Variants in MYOM2 observed in about 807,000 individuals in gnomAD.
MYOM2 encodes myomesin 2.
In MYOM2, 254 loss-of-function variants were observed where a neutral mutation model predicts 187.6. The observed-to-expected ratio is 1.35, with a 90% CI of 1.22 to 1.50. The LOEUF (loss-of-function observed/expected upper bound fraction) is 1.50, where lower values mean the gene tolerates loss of function less well. Among genes scored for constraint, MYOM2 ranks in the 40% most tolerant of loss-of-function variants. The pLI, the probability that MYOM2 is intolerant of heterozygous loss-of-function variation, is 0.00. For synonymous variants in MYOM2, 981 were observed against 753.8 expected (o/e 1.30, Z -4.94); for missense variants, 2,796 against 1,924.0 (o/e 1.45, Z -8.48).
chr8:2,049,646 C>T (rs144107796), intron 1 of MYOM2, among the ~76,000 whole-genome samples: 14 of 152,260 alleles, frequency 9.2e-5, no homozygotes, highest in Non-Finnish European at 2.9e-5. Flanking sequence ...GACAGATCCT[C>T]GTCATTTAAA....
intron 5 of MYOM2, 132 bp downstream of exon 5, chr8:2,057,912 T>A: frequency 1.1e-6 from 1 of 904,284 alleles, no homozygotes. Context: ...AGCAGAAATA[T>A]GTTTATAGAA....
At chr8:2,057,565 C>G in intron 4 of MYOM2, 58 bp from the exon 5 acceptor site, 2 of 1,612,588 alleles carry the variant, frequency 1.2e-6, no homozygotes, top group Non-Finnish European at 1.7e-6. Context: ...CTTGAGGGGC[C>G]GAGGGTGGAG....
chr8:2,144,997 C>T lies in MYOM2; in HGVS notation c.*16C>T. 6.2e-7 allele frequency: 1 copy of T among 1,610,096 alleles called. No individual in the cohort carries two copies. Among genetic ancestry groups the T allele is most frequent in the Non-Finnish European group, 8.5e-7 (1 of 1,178,956 alleles). On this transcript the variant is annotated 3_prime_UTR_variant, in exon 37 of 37. Coordinates refer to ENST00000262113, the MANE Select transcript of MYOM2 (RefSeq NM_003970.4). ...AGGCCAGTGAAGGCGTTTTCCTAGC[C>T]TGGAGATGGGAAAATATGCTTGGCA...
intron 3 of MYOM2, 27 bp downstream of exon 3, chr8:2,052,340 C>G: frequency 6.4e-7 from 1 of 1,574,680 alleles, no homozygotes; most frequent in Non-Finnish European, 8.6e-7. Flanking sequence ...CCTGACTCCA[C>G]TTGTGCCCTG....
chr8:2,130,240 C>G (rs1797813765), intron 32 of MYOM2, among the ~76,000 whole-genome samples: 1 of 141,380 alleles, frequency 7.1e-6, no homozygotes, highest in Admixed American at 7.0e-5. Flanking sequence ...ACCCAGGGCG[C>G]CCACACCCCG....
chr8:2,086,333 C>CCCCACAGTCGTGATCTCTGCGTGGCCT lies in MYOM2; in HGVS notation c.1644+948_1644+949insAGTCGTGATCTCTGCGTGGCCTCCCAC, dbSNP rs1796047427. On this transcript the variant is annotated intron_variant, in intron 14 of 36. Coordinates refer to ENST00000262113, the MANE Select transcript of MYOM2 (RefSeq NM_003970.4). The stretch of plus-strand genomic sequence containing the variant: ...CCACAGTCGTGATCTCTGCGTGGCC[C>CCCCACAGTCGTGATCTCTGCGTGGCCT]CCCACTGTTGTGATCTCTGCGTGGC... Among the ~76,000 whole-genome samples the CCCCACAGTCGTGATCTCTGCGTGGCCT allele has an allele frequency of 3.6e-4, 2 of 5,508 alleles. 1 individual carries two copies. Among genetic ancestry groups the CCCCACAGTCGTGATCTCTGCGTGGCCT allele is most frequent in the Non-Finnish European group, 6.9e-4 (2 of 2,896 alleles). The allele number at this position is 5,508 out of a possible 152,430, so 3.6% of individuals were successfully genotyped here. A position where few individuals can be genotyped will look rare whatever the true frequency, so the allele number is the denominator to read the frequency against.
chr8:2,140,704 T>C lies in MYOM2; in HGVS notation c.3801-19T>C. The C allele has an allele frequency of 6.2e-7, 1 of 1,612,352 alleles. No individual in the cohort carries two copies. Among genetic ancestry groups the C allele is most frequent in the South Asian group, 1.1e-5 (1 of 90,858 alleles). On this transcript the variant is annotated intron_variant, in intron 32 of 36. Transcript: ENST00000262113. ...CATGGAGACCCTAACTCAGATACGTTCCTGTTGCTCTTTTCAAGAGATGCT... is the reference window on the plus strand; with the variant it reads ...CATGGAGACCCTAACTCAGATACGTCCCTGTTGCTCTTTTCAAGAGATGCT...
chr8:2,055,860 G>A (rs922754255), intron 3 of MYOM2, among the ~76,000 whole-genome samples: 2 of 152,104 alleles, frequency 1.3e-5, no homozygotes, highest in Admixed American at 6.5e-5. Context: ...CTCCAGCTCC[G>A]ATACCGGGAC....
chr8:2,128,478 TC>T (rs1309078109), intron 31 of MYOM2, among the ~76,000 whole-genome samples: 33 of 152,338 alleles, frequency 2.2e-4, no homozygotes, highest in African/African-American at 7.0e-4. Context: ...AATCTCTACT[TC>T]CAGTTCAGAG....
intron 22 of MYOM2, 35 bp from the exon 23 acceptor site, chr8:2,106,456 A>G: frequency 1.9e-6 from 3 of 1,610,286 alleles, no homozygotes; most frequent in South Asian, 1.1e-5. Flanking sequence ...GCAAACAGAA[A>G]TGATCGACAT....
chr8:2,143,422 G>C lies in MYOM2; in HGVS notation c.4046G>C (p.Gly1349Ala). The change falls in exon 36 of 37, where the codon GGC (glycine) becomes GCC (alanine). Residue 1349 changes from glycine to alanine, a missense_variant. Gly to Ala is a moderately conservative substitution (Grantham distance 60). Coordinates refer to ENST00000262113, the MANE Select transcript of MYOM2 (RefSeq NM_003970.4). ...AEKNRGRLIG[G>A]LPDVVTIMEG... ...GCAGATCGTGGCAGGTTGATCGGCG[G>C]CTTGCCTGACGTGGTGACCATCATG... is the stretch of plus-strand genomic sequence containing the variant. 6.2e-7 allele frequency: 1 copy of C among 1,614,126 alleles called. No homozygotes were observed. The highest frequency in any genetic ancestry group is 8.5e-7 in the Non-Finnish European group (1 of 1,180,036).
chr8:2,056,720 TG>T (rs1387535378), intron 3 of MYOM2, among the ~76,000 whole-genome samples: 3 of 152,110 alleles, frequency 2.0e-5, no homozygotes, highest in Non-Finnish European at 4.4e-5. Context: ...AACTCACACA[TG>T]GGGAGCTCAC....
At chr8:2,141,398 C>T (rs1012301822) in intron 34 of MYOM2, among the ~76,000 whole-genome samples, 11 of 152,070 alleles carry the variant, frequency 7.2e-5, no homozygotes, top group African/African-American at 1.7e-4. Flanking sequence ...ATCGGAACCC[C>T]GGATGAATTT....
At position 2,082,525 on chromosome 8, in the gene MYOM2, T is replaced by A. The variant is rs529092524; in HGVS notation, c.1517-2738T>A. 3.9e-5 allele frequency among the ~76,000 whole-genome samples: 6 copies of A among 152,196 alleles called. No individual in the cohort carries two copies. The South Asian group carries it at 1.2e-3, about 32-fold the overall frequency. ...CTGCTATTTTTGACTTTTTGCCGAG[T>A]TTTTCTCACCATTTTAATCTTGGGC... On this transcript the variant is annotated intron_variant, in intron 13 of 36. Coordinates refer to ENST00000262113, the MANE Select transcript of MYOM2 (RefSeq NM_003970.4).
At position 2,092,395 on chromosome 8, in the gene MYOM2, G is replaced by A. The variant is rs574414781; in HGVS notation, c.1878G>A (p.Thr626=). Residue 626 remains threonine (T), a synonymous_variant, in exon 16 of 37, where the codon ACG becomes ACA. Transcript: ENST00000262113. The part of the protein sequence containing the change: ...GRVLASRNTK[T]SVVVQWDRPK... ...TTCTTGCTTCCCGAAACACCAAGAC[G>A]TCGGTGGTGGTGCAGTGGGACCGAC... 100 of 1,614,126 alleles carry A rather than the reference G, an allele frequency of 6.2e-5. No homozygotes were observed. Among genetic ancestry groups the A allele is most frequent in the South Asian group, 8.8e-5 (8 of 91,080 alleles).
chr8:2,134,063 T>TCCACCCTC (rs1797971529), intron 32 of MYOM2, among the ~76,000 whole-genome samples: 2 of 151,924 alleles, frequency 1.3e-5, no homozygotes, highest in African/African-American at 4.8e-5. Flanking sequence ...TGTACCCACC[T>TCCACCCTC]TATAACCATC....
In MYOM2 at chr8:2,069,451, CCGGGGAGA is replaced by C; in HGVS notation, c.750_757del (p.Asp252ThrfsTer66). The C allele has an allele frequency of 6.2e-7, 1 of 1,614,176 alleles. No individual in the cohort carries two copies. The highest frequency in any genetic ancestry group is 8.5e-7 in the Non-Finnish European group (1 of 1,180,024). On this transcript the variant is annotated frameshift_variant, in exon 8 of 37. Transcript: ENST00000262113. LOFTEE classifies it high-confidence loss of function. ...ACTCACTTTGCTGTCTTGCAGGGTT[CCGGGGAGA>C]CGAGGAACCATTCCGTTCGGTGGGA...
At chr8:2,112,464 T>G (rs1797099787) in intron 25 of MYOM2, among the ~76,000 whole-genome samples, 3 of 149,302 alleles carry the variant, frequency 2.0e-5, no homozygotes, top group Non-Finnish European at 3.0e-5. Context: ...GCACAGAGAG[T>G]GGGGAATGAT....
chr8:2,133,275 C>T (rs3824171), intron 32 of MYOM2, among the ~76,000 whole-genome samples: 19,842 of 152,184 alleles, frequency 0.13, 2,199 homozygotes, highest in African/African-American at 0.28. Context: ...GCAAATATTT[C>T]CTAGCTTTTG....
Sources: allele counts gnomAD v4.1 joint callset (sites outside exome capture counted in the v4.1 genomes callset), GRCh38; gene constraint gnomAD v4.1.1; transcripts MANE v1.5; gene names NCBI Gene and HGNC (gene_info 2026-07-23, HGNC 2026-07-21).